Variants in TMEM70 observed in about 807,000 individuals in gnomAD.
TMEM70 encodes transmembrane protein 70, mitochondrial.
TMEM70 carries 15 observed loss-of-function variants against 20.5 expected under a neutral mutation model. That is an observed-to-expected ratio of 0.73 (90% CI 0.49 to 1.13). The LOEUF (loss-of-function observed/expected upper bound fraction) is 1.13. Ranked by LOEUF, TMEM70 falls within the 50% of genes most tolerant of loss-of-function variation. TMEM70 has a pLI of 0.00. For synonymous variants in TMEM70, 141 were observed against 134.2 expected (o/e 1.05, Z -0.35); for missense variants, 344 against 331.7 (o/e 1.04, Z -0.29).
rs779003036 is a variant in TMEM70, at chr8:73,976,291, C to G, written c.10C>G (p.Leu4Val). 28 of 1,600,580 alleles carry G rather than the reference C, an allele frequency of 1.7e-5. No homozygotes were observed. Among genetic ancestry groups the G allele is most frequent in the Non-Finnish European group, 2.3e-5 (27 of 1,179,524 alleles). ...GCTCGTCACCCGCGTGATGCTGTTT[C>G]TGGCGTTGGGCAGCCCGTGGGCGGT... is the stretch of plus-strand genomic sequence containing the variant. MLF[L>V]ALGSPWAVEL... The change falls in exon 1 of 3, where the codon CTG becomes GTG. Residue 4 changes from leucine (L) to valine (V), a missense_variant. Leu to Val is a conservative substitution (Grantham distance 32). Coordinates refer to ENST00000312184, the MANE Select transcript of TMEM70 (RefSeq NM_017866.6).
rs1454234092 is a variant in TMEM70, at chr8:73,978,786, T to G, written c.241T>G (p.Phe81Val). 4 of 1,614,052 alleles carry G rather than the reference T, an allele frequency of 2.5e-6. No individual in the cohort carries two copies. The highest frequency in any genetic ancestry group is 3.4e-6 in the Non-Finnish European group (4 of 1,179,910). The part of the protein sequence containing the change: ...IPVYWEGYVR[F>V]LNTPSDKSED... The stretch of plus-strand genomic sequence containing the variant: ...TGTTTATTGGGAAGGATATGTTCGA[T>G]TCTTAAATACGCCATCTGACAAATC... The change falls in exon 2 of 3, where the codon TTC (phenylalanine) becomes GTC (valine). Residue 81 changes from phenylalanine to valine, a missense_variant. Phe to Val is a conservative substitution (Grantham distance 50). Transcript: ENST00000312184.
At chr8:73,977,773 T>G (rs1480163827) in intron 1 of TMEM70, among the ~76,000 whole-genome samples, 1 of 152,186 alleles carries the variant, frequency 6.6e-6, no homozygotes, top group Non-Finnish European at 1.5e-5. Context: ...TAGCTGGGGC[T>G]ATAGACGTGT....
Position 73,981,490 on chromosome 8 carries a change from T to C in TMEM70, c.652T>C (p.Ser218Pro), listed in dbSNP as rs1468855119. 6.2e-7 allele frequency: 1 copy of C among 1,613,990 alleles called. No homozygotes were observed. Among genetic ancestry groups the C allele is most frequent in the East Asian group, 2.2e-5 (1 of 44,878 alleles). ...VFTTFYAKTK[S>P]LLVNPVLFPN... ...TACCACATTTTATGCTAAAACAAAA[T>C]CACTGTTAGTTAATCCAGTGCTCTT... is the stretch of plus-strand genomic sequence containing the variant. The change falls in exon 3 of 3, where the codon TCA (serine) becomes CCA (proline). Residue 218 changes from serine to proline, a missense_variant. Coordinates refer to ENST00000312184, the MANE Select transcript of TMEM70 (RefSeq NM_017866.6).
Position 73,982,591 on chromosome 8 carries a change from AG to A in TMEM70, c.*972del, listed in dbSNP as rs1465942087. ...TTAAGTCTTCTTTGGTTCAGAACAC[AG>A]GTTTTTGCCTAACCCCTGGCATGAT... is the stretch of plus-strand genomic sequence containing the variant. On this transcript the variant is annotated 3_prime_UTR_variant, in exon 3 of 3. Coordinates refer to ENST00000312184, the MANE Select transcript of TMEM70 (RefSeq NM_017866.6). 4.1e-6 allele frequency: 2 copies of A among 486,812 alleles called. No individual in the cohort carries two copies. The highest frequency in any genetic ancestry group is 4.6e-5 in the Admixed American group (2 of 43,850). The allele number at this position is 486,812 out of a possible 1,614,324, so 30.2% of individuals were successfully genotyped here.
Position 73,976,195 on chromosome 8 carries a change from A to T in TMEM70, c.-87A>T. 7.7e-7 allele frequency: 1 copy of T among 1,306,732 alleles called. No homozygotes were observed. Among genetic ancestry groups the T allele is most frequent in the Non-Finnish European group, 1.1e-6 (1 of 935,748 alleles). The allele number at this position is 1,306,732 out of a possible 1,614,324, so 80.9% of individuals were successfully genotyped here. On this transcript the variant is annotated 5_prime_UTR_variant, in exon 1 of 3. Transcript: ENST00000312184. Reference sequence around the variant, plus strand: ...AGGCGTCCCGGGCTGGGCATGCGCCACTTGTGCGGCAGTCGGGTGGGAAGC... The same window carrying T: ...AGGCGTCCCGGGCTGGGCATGCGCCTCTTGTGCGGCAGTCGGGTGGGAAGC...
Position 73,978,958 on chromosome 8 carries a change from A to C in TMEM70, c.316+97A>C. 6 of 1,439,786 alleles carry C rather than the reference A, an allele frequency of 4.2e-6. 1 individual carries two copies. In the South Asian group the frequency reaches 7.3e-5, roughly 18 times the overall value. 89.2% of individuals were successfully genotyped at this position (1,439,786 alleles called of 1,614,324 possible). ...CTTACTTGTTGTTATGGCATCCCTT[A>C]ATTACAAGACGTAAGGAAAATTAGA... On this transcript the variant is annotated intron_variant, in intron 2 of 2. Transcript: ENST00000312184.
intron 1 of TMEM70, among the ~76,000 whole-genome samples, chr8:73,977,322 C>T (rs1815675024): frequency 6.6e-6 from 1 of 150,708 alleles, no homozygotes; most frequent in East Asian, 2.0e-4. Flanking sequence ...GTTGGGATTA[C>T]AGGCGCGCTC....
In TMEM70 at chr8:73,982,599, G is replaced by T. The variant is rs1333168120; in HGVS notation, c.*978G>T. On this transcript the variant is annotated 3_prime_UTR_variant, in exon 3 of 3. Transcript: ENST00000312184. ...TCTTTGGTTCAGAACACAGGTTTTT[G>T]CCTAACCCCTGGCATGATTGCCCAT... 2 of 484,258 alleles carry T rather than the reference G, an allele frequency of 4.1e-6. No homozygotes were observed. Among genetic ancestry groups the T allele is most frequent in the Non-Finnish European group, 8.1e-6 (2 of 246,008 alleles). The allele number at this position is 484,258 out of a possible 1,614,324, so 30.0% of individuals were successfully genotyped here.
rs1815847203 is a variant in TMEM70 at position 73,982,771 on chromosome 8, C to T, written c.*1150C>T. Reference sequence around the variant, plus strand: ...GTGTAGGAAAACCACTGTTATTAAACAGGTGAAAAATACCTTGTGTAAAAT... The same window carrying T: ...GTGTAGGAAAACCACTGTTATTAAATAGGTGAAAAATACCTTGTGTAAAAT... On this transcript the variant is annotated 3_prime_UTR_variant, in exon 3 of 3. Coordinates refer to ENST00000312184, the MANE Select transcript of TMEM70 (RefSeq NM_017866.6). 2.2e-6 allele frequency: 1 copy of T among 451,066 alleles called. No homozygotes were observed. The highest frequency in any genetic ancestry group is 2.0e-5 in the African/African-American group (1 of 49,910). 27.9% of individuals were successfully genotyped at this position (451,066 alleles called of 1,614,324 possible).
At chr8:73,979,079 G>A (rs774694161) in intron 2 of TMEM70, 3 of 656,110 alleles carry the variant, frequency 4.6e-6, no homozygotes, top group South Asian at 3.0e-5. Context: ...TGTTGTCCAG[G>A]CTGGAGTGCA....
Position 73,976,327 on chromosome 8 carries a change from C to T in TMEM70, c.46C>T (p.Leu16Phe), listed in dbSNP as rs1477307896. The T allele has an allele frequency of 2.5e-6, 4 of 1,600,748 alleles. No individual in the cohort carries two copies. Among genetic ancestry groups the T allele is most frequent in the Non-Finnish European group, 3.4e-6 (4 of 1,179,606 alleles). The change falls in exon 1 of 3, where the codon CTC (leucine) becomes TTC (phenylalanine). Residue 16 changes from leucine (L) to phenylalanine (F), a missense_variant. By Grantham distance (22) the Leu-to-Phe change is conservative (BLOSUM62 0). Coordinates refer to ENST00000312184, the MANE Select transcript of TMEM70 (RefSeq NM_017866.6). ...LGSPWAVELPLCGRRTALCAA... is the reference protein window; with the variant it reads ...LGSPWAVELPFCGRRTALCAA... ...CAGCCCGTGGGCGGTCGAACTGCCT[C>T]TCTGCGGAAGGAGGACTGCATTGTG...
At chr8:73,976,558 A>G (rs1057241281) in intron 1 of TMEM70, 67 bp downstream of exon 1, 1 of 1,398,320 alleles carries the variant, frequency 7.2e-7, no homozygotes, top group Non-Finnish European at 9.4e-7. Flanking sequence ...GGGCCTGGGG[A>G]GCCCCAGCGG....
rs886063102 is a variant in TMEM70 at position 73,981,921 on chromosome 8, A to G, written c.*300A>G. 7.6e-6 allele frequency: 4 copies of G among 528,316 alleles called. No individual in the cohort carries two copies. The East Asian group carries it at 1.9e-4, about 26-fold the overall frequency. The allele number at this position is 528,316 out of a possible 1,614,324, so 32.7% of individuals were successfully genotyped here. A position where few individuals can be genotyped will look rare whatever the true frequency, so the allele number is the denominator to read the frequency against. On this transcript the variant is annotated 3_prime_UTR_variant, in exon 3 of 3. Coordinates refer to ENST00000312184, the MANE Select transcript of TMEM70 (RefSeq NM_017866.6). ...GGATCTGATGTCAGTAGCAAATGGG[A>G]GAGTTGCTTTATTCTTTGTGTATGG...
intron 1 of TMEM70, among the ~76,000 whole-genome samples, chr8:73,977,479 T>A (rs1303534272): frequency 2.0e-5 from 3 of 152,188 alleles, no homozygotes; most frequent in Non-Finnish European, 4.4e-5. Flanking sequence ...TGAGCCGCTG[T>A]GCCCAGCCAA....
chr8:73,978,728 T>C, intron 1 of TMEM70, 28 bp from the exon 2 acceptor site: 1 of 1,612,754 alleles, frequency 6.2e-7, no homozygotes, highest in East Asian at 2.2e-5. Context: ...AGAAGGTTAG[T>C]TGACCATAAT....
At chr8:73,977,335 C>G (rs1013904704) in intron 1 of TMEM70, among the ~76,000 whole-genome samples, 12 of 139,304 alleles carry the variant, frequency 8.6e-5, no homozygotes, top group Admixed American at 5.2e-4. Context: ...GCGCGCTCCA[C>G]CACACCCCGG....
rs1342271237 is a variant in TMEM70, at chr8:73,982,382, A to G, written c.*761A>G. On this transcript the variant is annotated 3_prime_UTR_variant, in exon 3 of 3. Transcript: ENST00000312184. ...CCAGATGAGAATCCACAAGCGACTC[A>G]TTGACTTGCGCAGTCCTCAGATAGT... is the stretch of plus-strand genomic sequence containing the variant. The G allele has an allele frequency of 1.3e-6, 1 of 746,390 alleles. No homozygotes were observed. The highest frequency in any genetic ancestry group is 2.4e-6 in the Non-Finnish European group (1 of 423,240). 46.2% of individuals were successfully genotyped at this position (746,390 alleles called of 1,614,324 possible). A position where few individuals can be genotyped will look rare whatever the true frequency, so the allele number is the denominator to read the frequency against.
rs1266214737 is a variant in TMEM70 at position 73,982,186 on chromosome 8, A to G, written c.*565A>G. The stretch of plus-strand genomic sequence containing the variant: ...TCAGAGGTGGCAATTCACCGAATTC[A>G]TATCACTCTAACGAGTTGCAACGTA... On this transcript the variant is annotated 3_prime_UTR_variant, in exon 3 of 3. Coordinates refer to ENST00000312184, the MANE Select transcript of TMEM70 (RefSeq NM_017866.6). The G allele has an allele frequency of 1.1e-5, 6 of 550,286 alleles. No individual in the cohort carries two copies. The highest frequency in any genetic ancestry group is 3.8e-5 in the Admixed American group (2 of 52,704). 34.1% of individuals were successfully genotyped at this position (550,286 alleles called of 1,614,324 possible).
chr8:73,981,393 T>C lies in TMEM70; in HGVS notation c.555T>C (p.Asn185=). 2.5e-6 allele frequency: 4 copies of C among 1,614,220 alleles called. No homozygotes were observed. The highest frequency in any genetic ancestry group is 2.2e-5 in the South Asian group (2 of 91,088). Residue 185 remains asparagine (N), a synonymous_variant, in exon 3 of 3, where the codon AAT becomes AAC. Coordinates refer to ENST00000312184, the MANE Select transcript of TMEM70 (RefSeq NM_017866.6). ...TTDTYKAITY[N]AMLAETSTVF... ...ACACTTATAAAGCCATTACCTACAA[T>C]GCTATGCTTGCAGAAACGAGTACAG... is the stretch of plus-strand genomic sequence containing the variant.
Sources: gnomAD v4.1 joint callset for allele counts (sites outside exome capture counted in the v4.1 genomes callset) on GRCh38, gnomAD v4.1.1 for gene constraint, MANE v1.5 for transcripts, NCBI Gene and HGNC (gene_info 2026-07-23, HGNC 2026-07-21) for gene names.